The following MLLT10 variants were observed in gnomAD, a reference collection of about 807,000 sequenced individuals.
The protein encoded by MLLT10 is MLLT10 histone lysine methyltransferase DOT1L cofactor.
A neutral mutation model predicts 129.1 loss-of-function variants in MLLT10; 30 were observed. The ratio of observed to expected loss-of-function variants is 0.23; its 90% confidence interval spans 0.17 to 0.32. The LOEUF (loss-of-function observed/expected upper bound fraction) is 0.32. Ranked by LOEUF, MLLT10 falls within the 10% of genes least tolerant of loss-of-function variation. The probability of loss-of-function intolerance (pLI) is 1.00; values close to 1 mark genes in which losing one functional copy is unlikely to be tolerated. For synonymous variants in MLLT10, 490 were observed against 446.4 expected (o/e 1.10, Z -1.23); for missense variants, 1,119 against 1,268.3 (o/e 0.88, Z 1.79).
At chr10:21,717,482 T>TTCCTCCTCCTCCTCCTCC (rs766780330) in intron 14 of MLLT10, among the ~76,000 whole-genome samples, 1 of 115,374 alleles carries the variant, frequency 8.7e-6, no homozygotes, top group Non-Finnish European at 1.7e-5. Flanking sequence ...TATTCTTATA[T>TTCCTCCTCCTCCTCCTCC]TCCTCCTCCT....
At chr10:21,617,241 C>A in intron 8 of MLLT10, 34 bp downstream of exon 8, 2 of 1,231,488 alleles carry the variant, frequency 1.6e-6, no homozygotes, top group South Asian at 2.1e-5. Context: ...ATTTGTAGCA[C>A]ATCTACTTAA....
chr10:21,582,013 A>T (rs774271365), intron 3 of MLLT10, among the ~76,000 whole-genome samples: 1 of 152,182 alleles, frequency 6.6e-6, no homozygotes, highest in Admixed American at 6.5e-5. Flanking sequence ...GTTCCATTTA[A>T]TCTCATGGGA....
chr10:21,556,124 C>T (rs1336593858), intron 3 of MLLT10, among the ~76,000 whole-genome samples: 1 of 151,896 alleles, frequency 6.6e-6, no homozygotes, highest in African/African-American at 2.4e-5. Context: ...TACAGGCATG[C>T]GCCACCACAC....
chr10:21,602,922 C>T (rs1246788500), intron 5 of MLLT10, among the ~76,000 whole-genome samples: 4 of 151,370 alleles, frequency 2.6e-5, no homozygotes, highest in South Asian at 2.1e-4. Flanking sequence ...TTAGTAGAGA[C>T]GGGGTTTCAC....
At chr10:21,575,634 C>T (rs2131050746) in intron 3 of MLLT10, among the ~76,000 whole-genome samples, 1 of 152,178 alleles carries the variant, frequency 6.6e-6, no homozygotes, top group East Asian at 1.9e-4. Context: ...ACCAAGTTTA[C>T]CTGAAAAGAA....
intron 13 of MLLT10, among the ~76,000 whole-genome samples, chr10:21,697,308 A>G (rs1202123287): frequency 6.6e-6 from 1 of 151,998 alleles, no homozygotes; most frequent in Non-Finnish European, 1.5e-5. Flanking sequence ...TCTACTAAAA[A>G]TACAAAAATT....
chr10:21,645,106 G>A (rs1024140245), intron 8 of MLLT10, among the ~76,000 whole-genome samples: 2 of 152,150 alleles, frequency 1.3e-5, no homozygotes, highest in African/African-American at 4.8e-5. Flanking sequence ...CCTCTCTTCA[G>A]ATTTGGGACT....
chr10:21,619,845 T>C (rs1186304563), intron 8 of MLLT10, among the ~76,000 whole-genome samples: 2 of 152,154 alleles, frequency 1.3e-5, no homozygotes, highest in Non-Finnish European at 2.9e-5. Context: ...TGATTATAAG[T>C]GATACTATAG....
intron 21 of MLLT10, among the ~76,000 whole-genome samples, chr10:21,735,641 A>AG (rs919892868): frequency 6.6e-6 from 1 of 152,178 alleles, no homozygotes; most frequent in Non-Finnish European, 1.5e-5. Flanking sequence ...CGCCTCTGCA[A>AG]GGGGGGTGAC....
rs544027777 is a variant in MLLT10 at position 21,727,187 on chromosome 10, T to A, written c.1991-669T>A. On this transcript the variant is annotated intron_variant, in intron 15 of 22. Coordinates refer to ENST00000307729, the MANE Select transcript of MLLT10 (RefSeq NM_001195626.3). ...GAGGACAACCTTGAAAGAGGCCAGA[T>A]AAGGTGATTTTTATAAGGAACTAAC... Among the ~76,000 whole-genome samples the A allele has an allele frequency of 1.3e-3, 201 of 152,252 alleles. 1 individual carries two copies. Among genetic ancestry groups the A allele is most frequent in the African/African-American group, 4.6e-3 (193 of 41,542 alleles).
rs778949081 is a variant in MLLT10, at chr10:21,673,654, G to A, written c.1356G>A (p.Arg452=). The change falls in exon 11 of 23, where the codon CGG becomes CGA. Residue 452 remains arginine, a synonymous_variant. Coordinates refer to ENST00000307729, the MANE Select transcript of MLLT10 (RefSeq NM_001195626.3). ...NSSLPTAGYK[R]AQTSGIEEET... ...GCCTTCCTACAGCAGGATATAAGCG[G>A]GCTCAAACTTCTGGCATAGAAGAAG... 6.2e-7 allele frequency: 1 copy of A among 1,614,014 alleles called. No individual in the cohort carries two copies. Among genetic ancestry groups the A allele is most frequent in the Non-Finnish European group, 8.5e-7 (1 of 1,179,992 alleles).
chr10:21,697,664 A>G (rs2054507443), intron 13 of MLLT10, among the ~76,000 whole-genome samples: 1 of 152,242 alleles, frequency 6.6e-6, no homozygotes, highest in South Asian at 2.1e-4. Flanking sequence ...AGATTTAGGA[A>G]CACCAGTATT....
intron 8 of MLLT10, among the ~76,000 whole-genome samples, chr10:21,631,142 C>T (rs1430244968): frequency 6.6e-6 from 1 of 151,780 alleles, no homozygotes; most frequent in East Asian, 1.9e-4. Context: ...AACCCTGTCT[C>T]TACTAAAAAA....
intron 8 of MLLT10, among the ~76,000 whole-genome samples, chr10:21,646,664 C>A (rs894997978): frequency 6.6e-6 from 1 of 151,984 alleles, no homozygotes; most frequent in African/African-American, 2.4e-5. Flanking sequence ...TTTTGTATTG[C>A]TAATTATACA....
chr10:21,616,238 G>A (rs2045239074), intron 7 of MLLT10, among the ~76,000 whole-genome samples: 2 of 152,176 alleles, frequency 1.3e-5, no homozygotes, highest in Non-Finnish European at 2.9e-5. Context: ...TTCTAAATGA[G>A]AGATGATATA....
intron 8 of MLLT10, chr10:21,625,272 T>C: frequency 9.8e-7 from 1 of 1,015,568 alleles, no homozygotes; most frequent in Non-Finnish European, 1.6e-6. Flanking sequence ...TCCCCTTCTG[T>C]TTCTTTGCCA....
At chr10:21,542,966 GT>G (rs11462782) in intron 3 of MLLT10, among the ~76,000 whole-genome samples, 6 of 144,900 alleles carry the variant, frequency 4.1e-5, no homozygotes, top group South Asian at 2.2e-4. Context: ...TTTTTTTTTT[GT>G]TTTTTTTTTG....
chr10:21,605,175 C>T (rs1229734900), intron 5 of MLLT10, among the ~76,000 whole-genome samples: 2 of 151,978 alleles, frequency 1.3e-5, no homozygotes, highest in Non-Finnish European at 2.9e-5. Context: ...AGAACACTTA[C>T]ATAGCCTACA....
In MLLT10 at chr10:21,660,719, C is replaced by G. The variant is rs894454830; in HGVS notation, c.795+8951C>G. Among the ~76,000 whole-genome samples, 4 of 148,380 alleles carry G rather than the reference C, an allele frequency of 2.7e-5. No individual in the cohort carries two copies. In the South Asian group the frequency reaches 8.6e-4, roughly 32 times the overall value. On this transcript the variant is annotated intron_variant, in intron 9 of 22. Coordinates refer to ENST00000307729, the MANE Select transcript of MLLT10 (RefSeq NM_001195626.3). Reference sequence around the variant, plus strand: ...CGAAGCCCCGTATCTACTAAAAATACAAAAATTAGCTGGGTATGGTGCCGG... The same window carrying G: ...CGAAGCCCCGTATCTACTAAAAATAGAAAAATTAGCTGGGTATGGTGCCGG...
Sources: gnomAD v4.1 joint callset for allele counts (sites outside exome capture counted in the v4.1 genomes callset) on GRCh38, gnomAD v4.1.1 for gene constraint, MANE v1.5 for transcripts, NCBI Gene and HGNC (gene_info 2026-07-23, HGNC 2026-07-21) for gene names.